ANKRD26: variants seen among roughly 807,000 people sequenced by gnomAD.
The protein encoded by ANKRD26 is ankyrin repeat domain-containing protein 26.
ANKRD26 carries 141 observed loss-of-function variants against 208.7 expected under a neutral mutation model. The observed-to-expected ratio is 0.68, with a 90% CI of 0.59 to 0.78. The LOEUF (loss-of-function observed/expected upper bound fraction) is 0.78. Ranked by LOEUF, ANKRD26 falls within the 30% of genes least tolerant of loss-of-function variation. The probability of loss-of-function intolerance (pLI) is 0.00; values close to 1 mark genes in which losing one functional copy is unlikely to be tolerated. For synonymous variants in ANKRD26, 636 were observed against 660.4 expected (o/e 0.96, Z 0.57); for missense variants, 1,889 against 1,938.7 (o/e 0.97, Z 0.48).
Position 27,037,307 on chromosome 10 carries a change from T to C in ANKRD26, c.2576A>G (p.Asn859Ser). ...SNLNQVVQER[N>S]DAQRQLSREQ... ...TCGAGAAAGTTGCCTCTGAGCGTCA[T>C]TTCGCTCTTGAACGACCTAGAGATA... Residue 859 changes from asparagine (N) to serine (S), a missense_variant, in exon 23 of 34, where the codon AAT becomes AGT. Physicochemically the swap from Asn to Ser is conservative, Grantham distance 46. Around this residue, in one of 3 missense-constraint regions of ANKRD26, gnomAD observed 1,272 missense variants for 1,273.8 expected, o/e 1.00. Transcript: ENST00000376087. 1 of 1,613,934 alleles carries C rather than the reference T, an allele frequency of 6.2e-7. No homozygotes were observed. Among genetic ancestry groups the C allele is most frequent in the Non-Finnish European group, 8.5e-7 (1 of 1,179,850 alleles).
chr10:27,013,857 G>A (rs1002185757), intron 31 of ANKRD26, among the ~76,000 whole-genome samples: 1 of 152,194 alleles, frequency 6.6e-6, no homozygotes, highest in African/African-American at 2.4e-5. Flanking sequence ...GGCATCAGAG[G>A]TGGGGCCTGA....
chr10:27,058,412 G>A (rs1417620728), intron 15 of ANKRD26, among the ~76,000 whole-genome samples: 1 of 152,138 alleles, frequency 6.6e-6, no homozygotes, highest in African/African-American at 2.4e-5. Flanking sequence ...AATGGTTCAT[G>A]GGTCATAGCT....
At chr10:27,072,771 TA>T in intron 9 of ANKRD26, among the ~76,000 whole-genome samples, 1 of 152,210 alleles carries the variant, frequency 6.6e-6, no homozygotes, top group East Asian at 1.9e-4. Context: ...TCTTTCTGGC[TA>T]ACCAGGAGGT....
At chr10:27,098,845 G>C (rs180884362) in intron 1 of ANKRD26, among the ~76,000 whole-genome samples, 13 of 152,254 alleles carry the variant, frequency 8.5e-5, no homozygotes, top group African/African-American at 3.1e-4. Context: ...CACCGCGCCT[G>C]GCCAAATTTT....
chr10:26,979,169 G>A (rs1007248108), intron 5 of ANKRD26, among the ~76,000 whole-genome samples: 4 of 152,074 alleles, frequency 2.6e-5, no homozygotes, highest in Admixed American at 2.6e-4. Context: ...GCAGTGAGCC[G>A]AGATCGCGCC....
chr10:27,033,065 A>G (rs1274479068), intron 25 of ANKRD26, among the ~76,000 whole-genome samples, 160 bp downstream of exon 25: 4 of 151,444 alleles, frequency 2.6e-5, no homozygotes, highest in African/African-American at 9.7e-5. Context: ...CCTGGGCAAT[A>G]GAACGAGACT....
At chr10:27,058,906 TG>T (rs1303440260) in intron 15 of ANKRD26, among the ~76,000 whole-genome samples, 2 of 118,600 alleles carry the variant, frequency 1.7e-5, no homozygotes, top group African/African-American at 5.6e-5. Context: ...TTTGTTTGTT[TG>T]TTTTTTGTTT....
the ANKRD26 span, among the ~76,000 whole-genome samples, chr10:26,963,211 T>C: frequency 6.6e-6 from 1 of 152,216 alleles, no homozygotes; most frequent in African/African-American, 2.4e-5. Flanking sequence ...TCTTTGTGCA[T>C]GTTGTTCCAT....
intron 30 of ANKRD26, among the ~76,000 whole-genome samples, chr10:27,015,371 C>T (rs2053255735): frequency 6.6e-6 from 1 of 152,244 alleles, no homozygotes; most frequent in Non-Finnish European, 1.5e-5. Context: ...ATCACCTGGA[C>T]TACAAGTAAA....
chr10:27,082,049 TAAAAAAAAAAA>T (rs994610726), intron 6 of ANKRD26, among the ~76,000 whole-genome samples: 18 of 67,646 alleles, frequency 2.7e-4, no homozygotes, highest in African/African-American at 8.2e-4. Flanking sequence ...TGCAGTTATT[TAAAAAAAAAAA>T]AAAAAAAAAA....
At chr10:27,095,379 A>T (rs1454637141) in intron 1 of ANKRD26, among the ~76,000 whole-genome samples, 4 of 152,236 alleles carry the variant, frequency 2.6e-5, no homozygotes, top group Non-Finnish European at 5.9e-5. Flanking sequence ...TTTTGTTTAT[A>T]AAGAGGGGTT....
At chr10:27,010,205 ATC>A (rs1369132111) in intron 32 of ANKRD26, among the ~76,000 whole-genome samples, 2 of 152,148 alleles carry the variant, frequency 1.3e-5, no homozygotes, top group African/African-American at 4.8e-5. Context: ...GTTCTTTTTA[ATC>A]TCTTTTGTTA....
Position 27,100,387 on chromosome 10 carries a change from G to T in ANKRD26, c.-61C>A. ...CTCTCTCGGCTCTTAACGGCCTCCG[G>T]AGCCCAACATAACAAGTCAGCCCCG... On this transcript the variant is annotated 5_prime_UTR_variant, in exon 1 of 34. Coordinates refer to ENST00000376087, the MANE Select transcript of ANKRD26 (RefSeq NM_014915.3). 6.3e-7 allele frequency: 1 copy of T among 1,596,732 alleles called. No individual in the cohort carries two copies. Among genetic ancestry groups the T allele is most frequent in the Non-Finnish European group, 8.5e-7 (1 of 1,178,710 alleles).
At chr10:27,040,848 A>T (rs1041761990) in intron 20 of ANKRD26, among the ~76,000 whole-genome samples, 6 of 151,818 alleles carry the variant, frequency 4.0e-5, no homozygotes, top group Non-Finnish European at 7.4e-5. Flanking sequence ...TGGCCAACAT[A>T]GTGAAACCCT....
chr10:26,972,330 C>T (rs1231839246), downstream of ANKRD26, among the ~76,000 whole-genome samples: 2 of 151,244 alleles, frequency 1.3e-5, no homozygotes, highest in African/African-American at 2.4e-5. Flanking sequence ...TAATTACTGT[C>T]GGTAATAAGT....
intron 15 of ANKRD26, 92 bp from the exon 16 acceptor site, chr10:27,053,482 T>A (rs1458597864): frequency 1.1e-6 from 1 of 897,074 alleles, no homozygotes; most frequent in Non-Finnish European, 1.7e-6. Flanking sequence ...AATATTTATT[T>A]TATTTTATAA....
rs74128563 is a variant in ANKRD26 at position 27,073,282 on chromosome 10, C to T, written c.1077+4056G>A. ...GAGAACTTCTCCCTCTTGCCCACCA[C>T]TGCAGACACAGCTGGGGCTTTTCCC... is the stretch of plus-strand genomic sequence containing the variant. On this transcript the variant is annotated intron_variant, in intron 9 of 33. Transcript: ENST00000376087. 3.1e-3 allele frequency among the ~76,000 whole-genome samples: 465 copies of T among 152,312 alleles called. 3 individuals carry two copies. Among genetic ancestry groups the T allele is most frequent in the African/African-American group, 0.011 (438 of 41,572 alleles).
chr10:27,065,395 G>A (rs12354715), intron 11 of ANKRD26, among the ~76,000 whole-genome samples: 2 of 151,988 alleles, frequency 1.3e-5, no homozygotes, highest in Admixed American at 1.3e-4. Flanking sequence ...CATTGGGAAG[G>A]TCTCAAGCGT....
At chr10:27,038,319 G>T (rs2054110983) in intron 21 of ANKRD26, among the ~76,000 whole-genome samples, 1 of 152,122 alleles carries the variant, frequency 6.6e-6, no homozygotes, top group Non-Finnish European at 1.5e-5. Flanking sequence ...TATGGAAAAA[G>T]ATATTGGAAA....
Sources: gnomAD v4.1 joint callset for allele counts (sites outside exome capture counted in the v4.1 genomes callset) on GRCh38, gnomAD v4.1.1 for gene constraint, gnomAD v4.1.1 regional missense constraint, MANE v1.5 for transcripts, NCBI Gene and HGNC (gene_info 2026-07-23, HGNC 2026-07-21) for gene names.